The following RAD51B variants were observed in gnomAD, a reference collection of about 807,000 sequenced individuals.
The protein encoded by RAD51B is DNA repair protein RAD51 homolog 2.
A neutral mutation model predicts 42.2 loss-of-function variants in RAD51B; 38 were observed. The ratio of observed to expected loss-of-function variants is 0.90; its 90% CI spans 0.70 to 1.18. The LOEUF is 1.18. RAD51B is among the 50% of genes most tolerant of loss of function. The probability of loss-of-function intolerance (pLI) is 0.00; values close to 1 mark genes in which losing one functional copy is unlikely to be tolerated. For missense variants in RAD51B, 373 were observed against 400.7 expected (o/e 0.93, Z 0.59); for synonymous variants, 154 against 145.2 (o/e 1.06, Z -0.43).
At chr14:68,675,262 T>G (rs572808927) in intron 11 of RAD51B, among the ~76,000 whole-genome samples, 1 of 152,280 alleles carries the variant, frequency 6.6e-6, no homozygotes, top group South Asian at 2.1e-4. Flanking sequence ...CAATCTGGGT[T>G]AGGGCTCTGC....
chr14:68,370,549 T>G (rs1421115992), intron 8 of RAD51B, among the ~76,000 whole-genome samples: 1 of 152,120 alleles, frequency 6.6e-6, no homozygotes, highest in Non-Finnish European at 1.5e-5. Context: ...CTTGGCCTGC[T>G]CTGTAGGAGT....
chr14:68,394,198 A>T lies in RAD51B; in HGVS notation c.854-17226A>T, dbSNP rs148265447. ...ATTGCATCTTTGTCCCCTAAAGTTT[A>T]TGAGCCTCTTTGTAATCGCTGCTTC... On this transcript the variant is annotated intron_variant, in intron 8 of 10. Coordinates refer to ENST00000471583, the MANE Select transcript of RAD51B (RefSeq NM_133510.4). 5.3e-5 allele frequency among the ~76,000 whole-genome samples: 8 copies of T among 152,346 alleles called. No individual in the cohort carries two copies. In the East Asian group the frequency reaches 1.5e-3, roughly 29 times the overall value.
intron 7 of RAD51B, among the ~76,000 whole-genome samples, chr14:68,096,814 G>T (rs2077204426): frequency 6.6e-6 from 1 of 152,172 alleles, no homozygotes; most frequent in South Asian, 2.1e-4. Flanking sequence ...ATATGTGTGT[G>T]TGTGTGCCAG....
intron 10 of RAD51B, among the ~76,000 whole-genome samples, chr14:68,566,494 A>G (rs1176595202): frequency 6.6e-6 from 1 of 152,212 alleles, no homozygotes; most frequent in Non-Finnish European, 1.5e-5. Context: ...ATGCCCTGTT[A>G]TGCCAGCTTC....
At chr14:68,563,689 T>C in intron 10 of RAD51B, 5 of 985,378 alleles carry the variant, frequency 5.1e-6, no homozygotes, top group Non-Finnish European at 6.0e-6. Context: ...AATTCCCAGA[T>C]TGCTCAAATT....
At chr14:68,312,461 A>G (rs1256015880) in intron 8 of RAD51B, among the ~76,000 whole-genome samples, 1 of 152,202 alleles carries the variant, frequency 6.6e-6, no homozygotes, top group Non-Finnish European at 1.5e-5. Flanking sequence ...CAGACCTGCA[A>G]ATTCCCTCCA....
intron 7 of RAD51B, among the ~76,000 whole-genome samples, chr14:67,890,812 AT>A (rs1179779943): frequency 6.6e-6 from 1 of 152,054 alleles, no homozygotes; most frequent in Non-Finnish European, 1.5e-5. Flanking sequence ...ATTTTTCTTT[AT>A]CTTTTAAAAC....
chr14:68,673,093 T>C (rs1893194064), intron 11 of RAD51B, among the ~76,000 whole-genome samples: 1 of 152,204 alleles, frequency 6.6e-6, no homozygotes, highest in African/African-American at 2.4e-5. Flanking sequence ...CAAAATCCTG[T>C]AGTCACTTTA....
At chr14:68,262,474 C>G (rs965830319) in intron 7 of RAD51B, among the ~76,000 whole-genome samples, 5 of 152,116 alleles carry the variant, frequency 3.3e-5, no homozygotes, top group Non-Finnish European at 7.4e-5. Context: ...GAAAGGTAAA[C>G]AACACATCCC....
At chr14:68,356,982 CAAAAAA>C (rs34774624) in intron 8 of RAD51B, among the ~76,000 whole-genome samples, 14 of 92,282 alleles carry the variant, frequency 1.5e-4, no homozygotes, top group Non-Finnish European at 2.1e-4. Context: ...GACTCCGTCT[CAAAAAA>C]AAAAAAAAAA....
chr14:67,973,795 C>T (rs967232788), intron 7 of RAD51B, among the ~76,000 whole-genome samples: 1 of 152,040 alleles, frequency 6.6e-6, no homozygotes, highest in African/African-American at 2.4e-5. Flanking sequence ...TGTATCAGGA[C>T]CATTTTAAAA....
chr14:68,015,559 C>A (rs945828470), intron 7 of RAD51B, among the ~76,000 whole-genome samples: 1 of 152,092 alleles, frequency 6.6e-6, no homozygotes, highest in African/African-American at 2.4e-5. Context: ...GAAGAGGGCG[C>A]GTACAGAAGA....
chr14:68,001,313 A>AT (rs1202438000), intron 7 of RAD51B, among the ~76,000 whole-genome samples: 10 of 151,738 alleles, frequency 6.6e-5, no homozygotes, highest in Admixed American at 3.9e-4. Context: ...TCATAGTGGG[A>AT]TTTTTTCTTA....
intron 8 of RAD51B, among the ~76,000 whole-genome samples, chr14:68,363,812 C>A (rs1053826579): frequency 1.3e-5 from 2 of 152,104 alleles, no homozygotes; most frequent in Admixed American, 6.6e-5. Flanking sequence ...TCAGAGTCTA[C>A]CCTCAACCAC....
chr14:68,541,443 A>G (rs1887961179), intron 10 of RAD51B: 1 of 985,266 alleles, frequency 1.0e-6, no homozygotes, highest in Non-Finnish European at 1.2e-6. Context: ...TCAATTAATC[A>G]TGCCTGTCAG....
chr14:68,534,594 A>G (rs887205690), intron 10 of RAD51B, among the ~76,000 whole-genome samples: 1 of 152,194 alleles, frequency 6.6e-6, no homozygotes, highest in Non-Finnish European at 1.5e-5. Context: ...CTCAGGGCCA[A>G]TCAGGTTTTG....
chr14:68,005,227 T>C (rs1307099645), intron 7 of RAD51B, among the ~76,000 whole-genome samples: 6 of 151,964 alleles, frequency 3.9e-5, no homozygotes, highest in Admixed American at 1.3e-4. Flanking sequence ...CTAATTTTTG[T>C]ATTTTTAATT....
At position 68,061,053 on chromosome 14, in the gene RAD51B, C is replaced by CTTTTTT. The variant is rs755916680; in HGVS notation, c.756+173867_756+173872dup. Among the ~76,000 whole-genome samples, 212 of 101,304 alleles carry CTTTTTT rather than the reference C, an allele frequency of 2.1e-3. 1 individual carries two copies. Among genetic ancestry groups the CTTTTTT allele is most frequent in the African/African-American group, 4.2e-3 (108 of 25,872 alleles). The allele number at this position is 101,304 out of a possible 152,430, so 66.5% of individuals were successfully genotyped here. A position where few individuals can be genotyped will look rare whatever the true frequency, so the allele number is the denominator to read the frequency against. On this transcript the variant is annotated intron_variant, in intron 7 of 10. Coordinates refer to ENST00000471583, the MANE Select transcript of RAD51B (RefSeq NM_133510.4). The stretch of plus-strand genomic sequence containing the variant: ...CAGAATTGCTTTAGGTATTTGAGGT[C>CTTTTTT]TTTTTTTTTTTTTTTTTTTTTTTCT...
intron 11 of RAD51B, among the ~76,000 whole-genome samples, chr14:68,673,552 A>G (rs1893216163): frequency 6.6e-6 from 1 of 151,980 alleles, no homozygotes; most frequent in Non-Finnish European, 1.5e-5. Context: ...ACATATGTAC[A>G]CACATATGTA....
Sources: allele counts gnomAD v4.1 joint callset (sites outside exome capture counted in the v4.1 genomes callset), GRCh38; gene constraint gnomAD v4.1.1; transcripts MANE v1.5; gene names NCBI Gene and HGNC (gene_info 2026-07-23, HGNC 2026-07-21).